The following SLC8A1 variants were observed in gnomAD, a reference collection of about 807,000 sequenced individuals.
The protein encoded by SLC8A1 is solute carrier family 8 member A1.
SLC8A1 carries 18 observed loss-of-function variants against 68.3 expected under a neutral mutation model. That is an observed-to-expected ratio of 0.26 (90% confidence interval 0.18 to 0.39). SLC8A1 has a LOEUF of 0.39. Among genes scored for constraint, SLC8A1 ranks in the 10% least tolerant of loss-of-function variants. SLC8A1 has a pLI of 1.00. For missense variants in SLC8A1, 985 were observed against 1,156.7 expected, an observed-to-expected ratio of 0.85 and a Z score of 2.15; for synonymous variants, 475 against 415.5, an observed-to-expected ratio of 1.14 and a Z score of -1.74.
chr2:40,306,400 G>T (rs2072601725), intron 2 of SLC8A1, among the ~76,000 whole-genome samples: 1 of 150,228 alleles, frequency 6.7e-6, no homozygotes, highest in South Asian at 2.2e-4. Flanking sequence ...AGGGCTGTGA[G>T]AATACTGAAG....
chr2:40,195,534 A>T, intron 2 of SLC8A1, among the ~76,000 whole-genome samples: 1 of 152,100 alleles, frequency 6.6e-6, no homozygotes, highest in East Asian at 1.9e-4. Context: ...CTTCCTCTCA[A>T]ATCTCTTCTG....
rs570361615 is a variant in SLC8A1, at chr2:40,304,407, C to A, written c.1808+124066G>T. On this transcript the variant is annotated intron_variant, in intron 2 of 7. Transcript: ENST00000406785. Reference sequence around the variant, plus strand: ...TCTGGAATCCCTATGTTAATTACCACATTATCAAGTCCTGGAAGGACTGTC... The same window carrying A: ...TCTGGAATCCCTATGTTAATTACCAAATTATCAAGTCCTGGAAGGACTGTC... Among the ~76,000 whole-genome samples the A allele has an allele frequency of 2.8e-4, 42 of 152,248 alleles. No individual in the cohort carries two copies. In the South Asian group the frequency reaches 5.2e-3, roughly 19 times the overall value.
At chr2:40,445,773 A>G (rs1480118435) in intron 1 of SLC8A1, among the ~76,000 whole-genome samples, 1 of 152,198 alleles carries the variant, frequency 6.6e-6, no homozygotes, top group African/African-American at 2.4e-5. Flanking sequence ...ACACTGATTC[A>G]CAAATTTCAG....
chr2:40,488,657 C>G (rs368751052), intron 1 of SLC8A1, among the ~76,000 whole-genome samples: 7 of 152,082 alleles, frequency 4.6e-5, no homozygotes, highest in African/African-American at 1.7e-4. Context: ...TACTAAGCCA[C>G]GAATCTCCTA....
chr2:40,438,853 C>G (rs1163929164), intron 1 of SLC8A1, among the ~76,000 whole-genome samples: 1 of 152,002 alleles, frequency 6.6e-6, no homozygotes, highest in Non-Finnish European at 1.5e-5. Flanking sequence ...CTTGGACCAC[C>G]CTTTGTGAAG....
At chr2:40,115,864 C>T (rs1374205283) in intron 7 of SLC8A1, among the ~76,000 whole-genome samples, 1 of 152,166 alleles carries the variant, frequency 6.6e-6, no homozygotes. Flanking sequence ...TGATCTTGGT[C>T]AAGTTTTGTA....
At chr2:40,486,732 T>A (rs1322686387) in intron 1 of SLC8A1, among the ~76,000 whole-genome samples, 6 of 151,444 alleles carry the variant, frequency 4.0e-5, no homozygotes, top group African/African-American at 1.2e-4. Context: ...TTTTTTTTTT[T>A]ATTATTATAC....
At chr2:40,238,316 T>C (rs1292001754) in intron 2 of SLC8A1, among the ~76,000 whole-genome samples, 2 of 152,116 alleles carry the variant, frequency 1.3e-5, no homozygotes, top group Non-Finnish European at 2.9e-5. Flanking sequence ...GGTGGGCCGT[T>C]TTTTAAGCCC....
chr2:40,486,427 A>T (rs1576651730), intron 1 of SLC8A1, among the ~76,000 whole-genome samples: 1 of 152,052 alleles, frequency 6.6e-6, no homozygotes, highest in African/African-American at 2.4e-5. Flanking sequence ...TTATTTCAGC[A>T]TGCCCTTGGA....
At chr2:40,403,486 T>C (rs1689374089) in intron 2 of SLC8A1, among the ~76,000 whole-genome samples, 2 of 152,192 alleles carry the variant, frequency 1.3e-5, no homozygotes, top group South Asian at 4.1e-4. Flanking sequence ...AAGACACTAC[T>C]GACCACAATG....
At chr2:40,242,731 A>C (rs1039546586) in intron 2 of SLC8A1, among the ~76,000 whole-genome samples, 4 of 152,248 alleles carry the variant, frequency 2.6e-5, no homozygotes, top group Non-Finnish European at 5.9e-5. Context: ...CTATAATTAC[A>C]AGAAACAACA....
At chr2:40,447,080 T>C (rs1210835113) in intron 1 of SLC8A1, among the ~76,000 whole-genome samples, 1 of 152,178 alleles carries the variant, frequency 6.6e-6, no homozygotes, top group Non-Finnish European at 1.5e-5. Flanking sequence ...AATTAATCTG[T>C]CTTTTTAAAA....
At chr2:40,440,485 A>C (rs1176405005) in intron 1 of SLC8A1, among the ~76,000 whole-genome samples, 3 of 152,162 alleles carry the variant, frequency 2.0e-5, no homozygotes, top group Non-Finnish European at 2.9e-5. Context: ...TCATTCATTA[A>C]AAAAAATCAA....
intron 2 of SLC8A1, among the ~76,000 whole-genome samples, chr2:40,291,369 C>T (rs935210146): frequency 1.3e-5 from 2 of 152,094 alleles, no homozygotes; most frequent in African/African-American, 4.8e-5. Flanking sequence ...ATAAAATAAA[C>T]AATTTAAAAA....
rs547498327 is a variant in SLC8A1, at chr2:40,339,821, G to T, written c.1808+88652C>A. 3.9e-5 allele frequency among the ~76,000 whole-genome samples: 6 copies of T among 152,270 alleles called. No individual in the cohort carries two copies. In the East Asian group the frequency reaches 1.2e-3, roughly 29 times the overall value. ...TAGAAAGACAGACAGAAGTTACTTT[G>T]TAACTATAAAAATCATGAACATATA... On this transcript the variant is annotated intron_variant, in intron 2 of 7. Transcript: ENST00000406785.
At chr2:40,153,051 G>A (rs1408253474) in intron 6 of SLC8A1, among the ~76,000 whole-genome samples, 1 of 151,942 alleles carries the variant, frequency 6.6e-6, no homozygotes, top group Non-Finnish European at 1.5e-5. Flanking sequence ...TTCAAACCGA[G>A]AAAATGTCCT....
chr2:40,134,433 G>C (rs1190479942), intron 7 of SLC8A1, among the ~76,000 whole-genome samples: 1 of 152,050 alleles, frequency 6.6e-6, no homozygotes, highest in Non-Finnish European at 1.5e-5. Flanking sequence ...TCTGGGTCTT[G>C]CGAGAAGGGA....
intron 2 of SLC8A1, among the ~76,000 whole-genome samples, chr2:40,324,194 T>C (rs1051346948): frequency 5.3e-5 from 8 of 152,020 alleles, no homozygotes; most frequent in African/African-American, 1.9e-4. Flanking sequence ...AAGGAATTAG[T>C]GAAGAGCTTT....
chr2:40,388,354 C>T (rs901903861), intron 2 of SLC8A1, among the ~76,000 whole-genome samples: 7 of 152,138 alleles, frequency 4.6e-5, no homozygotes, highest in African/African-American at 1.2e-4. Flanking sequence ...TCTGACAGCA[C>T]GCTTCCTAGA....
Sources: allele counts gnomAD v4.1 joint callset (sites outside exome capture counted in the v4.1 genomes callset), GRCh38; gene constraint gnomAD v4.1.1; transcripts MANE v1.5; gene names NCBI Gene and HGNC (gene_info 2026-07-23, HGNC 2026-07-21).